PRKCZ: variants seen among roughly 807,000 people sequenced by gnomAD.
PRKCZ encodes the protein protein kinase C zeta.
PRKCZ carries 33 observed loss-of-function variants against 79.5 expected under a neutral mutation model. The ratio of observed to expected loss-of-function variants is 0.41; its 90% CI spans 0.31 to 0.55. PRKCZ has a LOEUF of 0.55. PRKCZ is among the 20% of genes least tolerant of loss of function. The pLI, the probability that PRKCZ is intolerant of heterozygous loss-of-function variation, is 0.19. For missense variants in PRKCZ, 578 were observed against 813.5 expected (o/e 0.71, Z 3.52); for synonymous variants, 342 against 320.9 (o/e 1.07, Z -0.70).
rs117741561 is a variant in PRKCZ at position 2,160,054 on chromosome 1, C to T, written c.974+3962C>T. ...CGCTGTTCTAAAATAAAATCTCTTACTGTTTGCCACGGTTGATTATTTTAC... is the reference window on the plus strand; with the variant it reads ...CGCTGTTCTAAAATAAAATCTCTTATTGTTTGCCACGGTTGATTATTTTAC... On this transcript the variant is annotated intron_variant, in intron 10 of 17. Coordinates refer to ENST00000378567, the MANE Select transcript of PRKCZ (RefSeq NM_002744.6). Among the ~76,000 whole-genome samples, 25 of 152,322 alleles carry T rather than the reference C, an allele frequency of 1.6e-4. No homozygotes were observed. In the East Asian group the frequency reaches 4.8e-3, roughly 29 times the overall value.
chr1:2,131,195 C>T (rs1378098515), intron 4 of PRKCZ, among the ~76,000 whole-genome samples: 1 of 152,236 alleles, frequency 6.6e-6, no homozygotes, highest in Non-Finnish European at 1.5e-5. Context: ...CCGGGTGCCA[C>T]ATGTGTCCTG....
At chr1:2,161,980 G>A (rs1316807487) in intron 10 of PRKCZ, among the ~76,000 whole-genome samples, 1 of 152,006 alleles carries the variant, frequency 6.6e-6, no homozygotes, top group Non-Finnish European at 1.5e-5. Flanking sequence ...TTAACGTGCA[G>A]GAAAGAACCT....
chr1:2,182,251 G>C, intron 16 of PRKCZ: 1 of 185,900 alleles, frequency 5.4e-6, no homozygotes, highest in South Asian at 9.0e-5. Flanking sequence ...GCAGTGGAGT[G>C]GGGGGCTGCA....
rs145306278 is a variant in PRKCZ at position 2,117,504 on chromosome 1, G to A, written c.335-17758G>A. On this transcript the variant is annotated intron_variant, in intron 4 of 17. Coordinates refer to ENST00000378567, the MANE Select transcript of PRKCZ (RefSeq NM_002744.6). Reference sequence around the variant, plus strand: ...CTCTGTGCGCTGCCATTTTGTCAGTGACCGGCTGTTTGTTTCTGCCTTTCC... The same window carrying A: ...CTCTGTGCGCTGCCATTTTGTCAGTAACCGGCTGTTTGTTTCTGCCTTTCC... 3.3e-5 allele frequency among the ~76,000 whole-genome samples: 5 copies of A among 152,132 alleles called. No individual in the cohort carries two copies. The East Asian group carries it at 9.7e-4, about 29-fold the overall frequency.
At position 2,059,530 on chromosome 1, in the gene PRKCZ, C is replaced by A; in HGVS notation, c.284-11C>A. 6.2e-7 allele frequency: 1 copy of A among 1,614,164 alleles called. No individual in the cohort carries two copies. The highest frequency in any genetic ancestry group is 8.5e-7 in the Non-Finnish European group (1 of 1,180,006). Reference sequence around the variant, plus strand: ...GGGTCTTGACGCTGTCTCTTTCTCTCTCTTGTCCAGTTTTCCCGAGCACCC... The same window carrying A: ...GGGTCTTGACGCTGTCTCTTTCTCTATCTTGTCCAGTTTTCCCGAGCACCC... On this transcript the variant is annotated splice_polypyrimidine_tract_variant and intron_variant, in intron 3 of 17. Transcript: ENST00000378567.
At chr1:2,159,457 A>C (rs974962250) in intron 10 of PRKCZ, among the ~76,000 whole-genome samples, 54 of 151,958 alleles carry the variant, frequency 3.6e-4, no homozygotes, top group African/African-American at 1.3e-3. Context: ...AGAACAGGAC[A>C]CTCCTTCGCT....
At chr1:2,151,949 G>A (rs1679988961) in intron 9 of PRKCZ, among the ~76,000 whole-genome samples, 1 of 152,124 alleles carries the variant, frequency 6.6e-6, no homozygotes, top group Admixed American at 6.6e-5. Flanking sequence ...CTGCTAGGCT[G>A]AGGTGATCCT....
chr1:2,090,836 CT>C (rs545236674), intron 4 of PRKCZ, among the ~76,000 whole-genome samples: 2 of 152,242 alleles, frequency 1.3e-5, no homozygotes, highest in African/African-American at 4.8e-5. Flanking sequence ...TATTTTCAGA[CT>C]TTTTTCCAAA....
At chr1:2,083,464 G>A (rs1169634987) in intron 4 of PRKCZ, among the ~76,000 whole-genome samples, 1 of 152,174 alleles carries the variant, frequency 6.6e-6, no homozygotes, top group Non-Finnish European at 1.5e-5. Context: ...ATTAATGTAT[G>A]ATTAATTAGA....
rs775386012 is a variant in PRKCZ at position 2,146,114 on chromosome 1, C to T, written c.634+6C>T. On this transcript the variant is annotated splice_donor_region_variant and intron_variant, in intron 7 of 17. Transcript: ENST00000378567. The stretch of plus-strand genomic sequence containing the variant: ...TTCCGAGGAGACAGATGGAAGTAGG[C>T]GCTGCTTTCTTCCGGCCGGGTAGAG... The T allele has an allele frequency of 4.9e-5, 79 of 1,612,326 alleles. No homozygotes were observed. The highest frequency in any genetic ancestry group is 6.7e-5 in the East Asian group (3 of 44,870).
chr1:2,128,500 CTG>C lies in PRKCZ; in HGVS notation c.335-6761_335-6760del, dbSNP rs1471867172. On this transcript the variant is annotated intron_variant, in intron 4 of 17. Coordinates refer to ENST00000378567, the MANE Select transcript of PRKCZ (RefSeq NM_002744.6). The surrounding 1 kb of genome is among the most constrained non-coding windows in gnomAD (Gnocchi z 6.5). ...TCAAGGCGCGAGATTGCCATGGAAA[CTG>C]AGCTCCTTAGAATTCCTGTGGCCGT... is the stretch of plus-strand genomic sequence containing the variant. 1.3e-5 allele frequency among the ~76,000 whole-genome samples: 2 copies of C among 152,256 alleles called. No individual in the cohort carries two copies. The highest frequency in any genetic ancestry group is 4.8e-5 in the African/African-American group (2 of 41,472).
intron 10 of PRKCZ, among the ~76,000 whole-genome samples, chr1:2,158,095 C>T (rs1217197609): frequency 1.6e-4 from 24 of 152,202 alleles, no homozygotes; most frequent in Admixed American, 1.3e-3. Context: ...TCGGAAGAGC[C>T]GGCGTGACCC....
rs534532602 is a variant in PRKCZ at position 2,082,284 on chromosome 1, G to T, written c.334+22693G>T. The T allele has an allele frequency of 1.5e-4, 67 of 436,406 alleles. No homozygotes were observed. The highest frequency in any genetic ancestry group is 1.2e-3 in the African/African-American group (60 of 49,640). 27.0% of individuals were successfully genotyped at this position (436,406 alleles called of 1,614,324 possible). ...GGGAGGCTCCGTGGCACGATCACAC[G>T]TGCAGGAGCTGGGGGCTGCCAGAGC... On this transcript the variant is annotated intron_variant, in intron 4 of 17. Transcript: ENST00000378567. This position sits in a 1 kb window ranked among gnomAD's most constrained non-coding sequence, Gnocchi z 4.4.
chr1:2,181,262 G>A (rs1279547229), intron 16 of PRKCZ, among the ~76,000 whole-genome samples: 1 of 152,200 alleles, frequency 6.6e-6, no homozygotes, highest in African/African-American at 2.4e-5. Flanking sequence ...CCTTTGCACA[G>A]CTGTGCCCTC....
At chr1:2,055,656 G>T (rs1408272418) in intron 2 of PRKCZ, 94 bp downstream of exon 2, 5 of 1,493,940 alleles carry the variant, frequency 3.3e-6, no homozygotes, top group East Asian at 4.7e-5. Context: ...CAATTCTGTG[G>T]GGAGACTTAA....
rs573746666 is a variant in PRKCZ, at chr1:2,119,271, A to G, written c.335-15991A>G. Among the ~76,000 whole-genome samples the G allele has an allele frequency of 3.4e-5, 5 of 148,320 alleles. No individual in the cohort carries two copies. In the East Asian group the frequency reaches 9.9e-4, roughly 29 times the overall value. On this transcript the variant is annotated intron_variant, in intron 4 of 17. Transcript: ENST00000378567. ...CTCTTGTTGCCCAGGCTAGAGTGCAAGGGCGCGATTTTGGCTCACTGCAAC... is the reference window on the plus strand; with the variant it reads ...CTCTTGTTGCCCAGGCTAGAGTGCAGGGGCGCGATTTTGGCTCACTGCAAC...
At chr1:2,099,576 G>C (rs776735100) in intron 4 of PRKCZ, among the ~76,000 whole-genome samples, 2 of 152,218 alleles carry the variant, frequency 1.3e-5, no homozygotes, top group Non-Finnish European at 2.9e-5. Flanking sequence ...ACTGTACCCG[G>C]AGGGAGGGGG....
intron 11 of PRKCZ, among the ~76,000 whole-genome samples, chr1:2,170,103 CT>C (rs1246602974): frequency 6.6e-6 from 1 of 152,160 alleles, no homozygotes; most frequent in Non-Finnish European, 1.5e-5. Context: ...TGGTTCTGCT[CT>C]TCACCCTGTT....
intron 4 of PRKCZ, among the ~76,000 whole-genome samples, chr1:2,080,331 C>CGTGGACGTGGCGGTGCGT (rs1553136450): frequency 6.6e-6 from 1 of 152,090 alleles, no homozygotes; most frequent in African/African-American, 2.4e-5. Context: ...GGGCAGTGCG[C>CGTGGACGTGGCGGTGCGT]GTGGACGTGG....
Sources: gnomAD v4.1 joint callset for allele counts (sites outside exome capture counted in the v4.1 genomes callset) on GRCh38, gnomAD v4.1.1 for gene constraint, Gnocchi (gnomAD v3.1) non-coding constraint, MANE v1.5 for transcripts, NCBI Gene and HGNC (gene_info 2026-07-23, HGNC 2026-07-21) for gene names.